CACNA2D3: variants seen among roughly 807,000 people sequenced by gnomAD.
CACNA2D3 encodes the protein calcium voltage-gated channel auxiliary subunit alpha2delta 3, also known as voltage-dependent calcium channel subunit alpha-2/delta-3.
A neutral mutation model predicts 160.6 loss-of-function variants in CACNA2D3; 60 were observed. The ratio of observed to expected loss-of-function variants is 0.37; its 90% CI spans 0.30 to 0.46. The LOEUF is 0.46. CACNA2D3 is among the 20% of genes least tolerant of loss of function. The probability of loss-of-function intolerance (pLI) is 1.00; values close to 1 mark genes in which losing one functional copy is unlikely to be tolerated. For missense variants in CACNA2D3, 1,205 were observed against 1,365.0 expected (o/e 0.88, Z 1.85); for synonymous variants, 558 against 492.9 (o/e 1.13, Z -1.75).
chr3:54,929,863 A>G (rs765633965), intron 27 of CACNA2D3, among the ~76,000 whole-genome samples: 4 of 152,306 alleles, frequency 2.6e-5, no homozygotes, highest in South Asian at 4.1e-4. Context: ...TTAGCATTCA[A>G]TCATTAATTT....
intron 9 of CACNA2D3, among the ~76,000 whole-genome samples, chr3:54,598,579 A>G (rs1192771388): frequency 6.6e-6 from 1 of 152,204 alleles, no homozygotes; most frequent in East Asian, 1.9e-4. Context: ...CAGTATCAGA[A>G]CAAGCCTTTC....
chr3:54,393,973 C>A (rs540140338), intron 4 of CACNA2D3, among the ~76,000 whole-genome samples: 10 of 152,270 alleles, frequency 6.6e-5, no homozygotes, highest in African/African-American at 2.4e-4. Flanking sequence ...TACCTTGTTG[C>A]TGCTGCATGT....
At position 54,503,948 on chromosome 3, in the gene CACNA2D3, G is replaced by A. The variant is rs537160693; in HGVS notation, c.544+294G>A. On this transcript the variant is annotated intron_variant, in intron 5 of 37. Transcript: ENST00000474759. ...ATAGTAAATATCTTAGGCTTTGCCA[G>A]CCATAGAGTCTCTGTTGCAACTACT... Among the ~76,000 whole-genome samples the A allele has an allele frequency of 3.3e-5, 5 of 152,324 alleles. No homozygotes were observed. In the South Asian group the frequency reaches 1.0e-3, roughly 32 times the overall value.
Position 54,764,329 on chromosome 3 carries a change from C to T in CACNA2D3, c.1358C>T (p.Thr453Ile). The T allele has an allele frequency of 1.9e-6, 3 of 1,613,786 alleles. No homozygotes were observed. Among genetic ancestry groups the T allele is most frequent in the Non-Finnish European group, 2.5e-6 (3 of 1,179,772 alleles). The change falls in exon 13 of 38, where the codon ACC (threonine) becomes ATC (isoleucine). Residue 453 changes from threonine (T) to isoleucine (I), a missense_variant. By Grantham distance (89) the Thr-to-Ile change is moderately conservative. Transcript: ENST00000474759. ...GACCAGGAGCATGATGTGGTGTGGA[C>T]CGAAGCTTACATTGACAGCACTGTG... ...VIDQEHDVVW[T>I]EAYIDSTLPQ...
chr3:54,740,813 G>A (rs891137258), intron 11 of CACNA2D3, among the ~76,000 whole-genome samples: 2 of 152,182 alleles, frequency 1.3e-5, no homozygotes, highest in Non-Finnish European at 2.9e-5. Flanking sequence ...ACAAGAACTT[G>A]GGAAAAGGCA....
intron 16 of CACNA2D3, among the ~76,000 whole-genome samples, chr3:54,840,807 C>G (rs1484775620): frequency 6.7e-6 from 1 of 149,432 alleles, no homozygotes; most frequent in South Asian, 2.1e-4. Flanking sequence ...ACCGCAAGCT[C>G]CACCTCCTGG....
intron 11 of CACNA2D3, among the ~76,000 whole-genome samples, chr3:54,643,206 AAC>A (rs1243554819): frequency 6.6e-6 from 1 of 152,218 alleles, no homozygotes; most frequent in East Asian, 1.9e-4. Flanking sequence ...CTGGGAATTA[AAC>A]ACACTGGTAA....
At chr3:54,757,830 AG>A (rs1033056064) in intron 12 of CACNA2D3, among the ~76,000 whole-genome samples, 2 of 152,234 alleles carry the variant, frequency 1.3e-5, no homozygotes, top group African/African-American at 4.8e-5. Flanking sequence ...ACCTTGTTCC[AG>A]ATTACCAGCC....
At chr3:54,896,923 G>A in intron 26 of CACNA2D3, 53 bp downstream of exon 26, 1 of 1,611,788 alleles carries the variant, frequency 6.2e-7, no homozygotes, top group Non-Finnish European at 8.5e-7. Flanking sequence ...GTGGGTCTGG[G>A]CATTGTGTGC....
At chr3:54,571,570 C>A (rs1343852435) in intron 8 of CACNA2D3, among the ~76,000 whole-genome samples, 1 of 150,872 alleles carries the variant, frequency 6.6e-6, no homozygotes, top group African/African-American at 2.4e-5. Context: ...AAAGGCTCGT[C>A]AGAGTGAGCC....
intron 11 of CACNA2D3, among the ~76,000 whole-genome samples, chr3:54,689,068 C>G (rs1700522467): frequency 7.1e-6 from 1 of 141,538 alleles, no homozygotes; most frequent in African/African-American, 2.6e-5. Flanking sequence ...AGAAAGAGTT[C>G]AAAAGCCATA....
chr3:54,285,504 C>T (rs1041886803), intron 2 of CACNA2D3, among the ~76,000 whole-genome samples: 1 of 152,204 alleles, frequency 6.6e-6, no homozygotes, highest in East Asian at 1.9e-4. Context: ...CCTCTGGGGG[C>T]AGGGCACAGA....
intron 9 of CACNA2D3, 81 bp downstream of exon 9, chr3:54,581,958 T>G: frequency 1.7e-6 from 2 of 1,180,904 alleles, no homozygotes; most frequent in South Asian, 1.4e-5. Context: ...TAAATCTGTC[T>G]TATCAAATGC....
At chr3:54,464,699 G>A (rs1700580408) in intron 4 of CACNA2D3, among the ~76,000 whole-genome samples, 1 of 152,222 alleles carries the variant, frequency 6.6e-6, no homozygotes. Context: ...TGACTAGGAA[G>A]GGGAACTCCC....
chr3:54,379,193 T>C (rs551503631), intron 3 of CACNA2D3, among the ~76,000 whole-genome samples: 5 of 152,364 alleles, frequency 3.3e-5, no homozygotes, highest in South Asian at 4.1e-4. Context: ...GATTAGCTTT[T>C]ATAATCCACT....
intron 5 of CACNA2D3, among the ~76,000 whole-genome samples, chr3:54,539,211 T>G (rs1002273844): frequency 2.0e-5 from 3 of 152,218 alleles, no homozygotes; most frequent in African/African-American, 7.2e-5. Flanking sequence ...AGTTTCCTCA[T>G]TTGTAAGTGT....
intron 4 of CACNA2D3, among the ~76,000 whole-genome samples, chr3:54,405,066 T>TTAAAATGTCTATACTATACTATAC (rs1699548482): frequency 6.6e-6 from 1 of 151,254 alleles, no homozygotes; most frequent in Non-Finnish European, 1.5e-5. Flanking sequence ...ATTAATATTG[T>TTAAAATGTCTATACTATACTATAC]TAAAATGTCT....
In CACNA2D3 at chr3:54,158,463, G is replaced by T. The variant is rs116806083; in HGVS notation, c.204+34869G>T. Among the ~76,000 whole-genome samples, 1,124 of 152,220 alleles carry T rather than the reference G, an allele frequency of 7.4e-3. 12 individuals are homozygous for T. Among genetic ancestry groups the T allele is most frequent in the South Asian group, 0.014 (69 of 4,812 alleles). ...GGCTTCCTGTGTCCAGCCCACCCCA[G>T]TGAGAATTATGCCATGTGTCTTCTC... On this transcript the variant is annotated intron_variant, in intron 2 of 37. Coordinates refer to ENST00000474759, the MANE Select transcript of CACNA2D3 (RefSeq NM_018398.3).
chr3:54,222,619 C>G (rs1701596386), intron 2 of CACNA2D3, among the ~76,000 whole-genome samples: 1 of 152,150 alleles, frequency 6.6e-6, no homozygotes, highest in South Asian at 2.1e-4. Flanking sequence ...GTTTCTAATC[C>G]CACTACAATG....
Sources: allele counts gnomAD v4.1 joint callset (sites outside exome capture counted in the v4.1 genomes callset), GRCh38; gene constraint gnomAD v4.1.1; transcripts MANE v1.5; gene names NCBI Gene and HGNC (gene_info 2026-07-23, HGNC 2026-07-21).